RTN4IP1: variants seen among roughly 807,000 people sequenced by gnomAD.
RTN4IP1 encodes reticulon 4 interacting protein 1, also known as NAD(P)H oxidoreductase RTN4IP1, mitochondrial.
In RTN4IP1, 32 loss-of-function variants were observed where a neutral mutation model predicts 46.6. The observed-to-expected ratio is 0.69, with a 90% CI of 0.52 to 0.92. RTN4IP1 has a LOEUF of 0.92. RTN4IP1 is among the 40% of genes least tolerant of loss of function. RTN4IP1 has a pLI of 0.00. For missense variants in RTN4IP1, 424 were observed against 485.8 expected, an observed-to-expected ratio of 0.87 and a Z score of 1.20; for synonymous variants, 167 against 161.8, an observed-to-expected ratio of 1.03 and a Z score of -0.24.
intron 4 of RTN4IP1, among the ~76,000 whole-genome samples, chr6:106,610,846 C>T (rs1562149014): frequency 6.6e-6 from 1 of 151,880 alleles, no homozygotes; most frequent in Non-Finnish European, 1.5e-5. Flanking sequence ...ATTCTTAAAC[C>T]CTAAAATCTA....
intron 1 of RTN4IP1, among the ~76,000 whole-genome samples, chr6:106,624,475 G>C (rs1180273738): frequency 6.6e-6 from 1 of 151,764 alleles, no homozygotes; most frequent in Non-Finnish European, 1.5e-5. Context: ...TCAACCTCTG[G>C]AGTAGTTGGG....
At chr6:106,574,346 G>A (rs1294755264) in intron 8 of RTN4IP1, among the ~76,000 whole-genome samples, 1 of 151,970 alleles carries the variant, frequency 6.6e-6, no homozygotes, top group Non-Finnish European at 1.5e-5. Context: ...GGGAGGCTGA[G>A]GCATGAGAAT....
chr6:106,583,991 T>C (rs552727407), intron 7 of RTN4IP1, among the ~76,000 whole-genome samples: 7 of 152,366 alleles, frequency 4.6e-5, no homozygotes, highest in East Asian at 1.9e-4. Flanking sequence ...CCTATGGTTA[T>C]GGCAAATACA....
chr6:106,582,290 AG>A (rs1219431692), intron 8 of RTN4IP1, among the ~76,000 whole-genome samples: 1 of 152,232 alleles, frequency 6.6e-6, no homozygotes, highest in Non-Finnish European at 1.5e-5. Flanking sequence ...GCCCACCTCC[AG>A]GGGCTCTGTC....
intron 8 of RTN4IP1, among the ~76,000 whole-genome samples, chr6:106,576,947 T>C (rs953943971): frequency 9.2e-5 from 14 of 152,280 alleles, no homozygotes; most frequent in African/African-American, 3.1e-4. Flanking sequence ...GTGTTCTGAA[T>C]TGAACTCAAA....
chr6:106,572,351 T>G, intron 8 of RTN4IP1: 1 of 501,656 alleles, frequency 2.0e-6, no homozygotes, highest in Non-Finnish European at 3.6e-6. Flanking sequence ...TGCTGGTCTT[T>G]CACTCTCCTA....
At chr6:106,573,831 A>T (rs991952629) in intron 8 of RTN4IP1, among the ~76,000 whole-genome samples, 1 of 152,164 alleles carries the variant, frequency 6.6e-6, no homozygotes, top group Non-Finnish European at 1.5e-5. Context: ...GACTGTAAGG[A>T]TTTATCACAG....
chr6:106,593,678 T>G (rs1434689245), intron 5 of RTN4IP1, among the ~76,000 whole-genome samples: 1 of 151,986 alleles, frequency 6.6e-6, no homozygotes, highest in Non-Finnish European at 1.5e-5. Flanking sequence ...AAATAAAGGG[T>G]TTTTAACTTA....
At chr6:106,608,272 T>A (rs1487041960) in intron 4 of RTN4IP1, among the ~76,000 whole-genome samples, 1 of 152,076 alleles carries the variant, frequency 6.6e-6, no homozygotes, top group Non-Finnish European at 1.5e-5. Context: ...AAGGGGGAGC[T>A]AGACAAGGTT....
chr6:106,589,255 AGGAGG>A (rs1775584442), intron 6 of RTN4IP1, among the ~76,000 whole-genome samples: 4 of 5,362 alleles, frequency 7.5e-4, no homozygotes, highest in Non-Finnish European at 2.2e-3. Context: ...GAGGAGAAGG[AGGAGG>A]AGAAGGAGAA....
At chr6:106,622,379 G>A (rs1056394631) in intron 2 of RTN4IP1, among the ~76,000 whole-genome samples, 6 of 152,140 alleles carry the variant, frequency 3.9e-5, no homozygotes, top group South Asian at 2.1e-4. Flanking sequence ...TTGGAAGGCC[G>A]GGGGTGTTGC....
rs140049461 is a variant in RTN4IP1 at position 106,603,621 on chromosome 6, C to A, written c.621-699G>T. On this transcript the variant is annotated intron_variant, in intron 4 of 8. Coordinates refer to ENST00000369063, the MANE Select transcript of RTN4IP1 (RefSeq NM_032730.5). ...ATGAACTCTCTGAAATTGTGAATTT[C>A]CTAAAATAACATGTAAAATTTGTGC... 2.4e-4 allele frequency among the ~76,000 whole-genome samples: 36 copies of A among 152,182 alleles called. No individual in the cohort carries two copies. The East Asian group carries it at 6.8e-3, about 29-fold the overall frequency.
At chr6:106,579,952 C>T (rs1303757344) in intron 8 of RTN4IP1, among the ~76,000 whole-genome samples, 5 of 151,720 alleles carry the variant, frequency 3.3e-5, no homozygotes, top group African/African-American at 4.8e-5. Context: ...CAGTGGCTCA[C>T]GCCTGTAATC....
chr6:106,624,903 T>G (rs1430117984), intron 1 of RTN4IP1, among the ~76,000 whole-genome samples: 3 of 131,028 alleles, frequency 2.3e-5, no homozygotes, highest in Non-Finnish European at 4.6e-5. Context: ...ACCACTGCAC[T>G]CCAGCCCAGG....
chr6:106,596,904 T>C (rs1775806609), intron 5 of RTN4IP1, among the ~76,000 whole-genome samples: 1 of 152,238 alleles, frequency 6.6e-6, no homozygotes, highest in South Asian at 2.1e-4. Flanking sequence ...TTAAATATGT[T>C]ACTCCATTTT....
intron 1 of RTN4IP1, among the ~76,000 whole-genome samples, chr6:106,626,129 C>T (rs117590952): frequency 6.6e-6 from 1 of 152,194 alleles, no homozygotes; most frequent in Non-Finnish European, 1.5e-5. Flanking sequence ...TATGTGAAAG[C>T]AGTGACAGCT....
intron 1 of RTN4IP1, 94 bp downstream of exon 1, chr6:106,628,654 T>C: frequency 3.4e-6 from 4 of 1,187,310 alleles, no homozygotes; most frequent in East Asian, 2.4e-5. Flanking sequence ...GATTCATTTA[T>C]GTAAACCAAA....
chr6:106,599,267 C>A (rs981221343), intron 5 of RTN4IP1, among the ~76,000 whole-genome samples: 9 of 151,664 alleles, frequency 5.9e-5, no homozygotes, highest in African/African-American at 2.2e-4. Context: ...AAATATAATA[C>A]AAATAAAAGC....
At chr6:106,617,532 A>G (rs1776384757) in intron 4 of RTN4IP1, among the ~76,000 whole-genome samples, 1 of 152,202 alleles carries the variant, frequency 6.6e-6, no homozygotes, top group Non-Finnish European at 1.5e-5. Flanking sequence ...GCATGTGGTC[A>G]CCTGGTTAGT....
Sources: allele counts gnomAD v4.1 joint callset (sites outside exome capture counted in the v4.1 genomes callset), GRCh38; gene constraint gnomAD v4.1.1; transcripts MANE v1.5; gene names NCBI Gene and HGNC (gene_info 2026-07-23, HGNC 2026-07-21).